WDPCP: variants seen among roughly 807,000 people sequenced by gnomAD.
WDPCP encodes the protein WD repeat containing planar cell polarity effector, also known as WD repeat-containing and planar cell polarity effector protein fritz homolog.
In WDPCP, 71 loss-of-function variants were observed where a neutral mutation model predicts 93.1. That is an observed-to-expected ratio of 0.76 (90% CI 0.63 to 0.93). WDPCP has a LOEUF of 0.93. WDPCP is among the 40% of genes least tolerant of loss of function. The pLI is 0.00. For missense variants in WDPCP, 844 were observed against 887.4 expected (o/e 0.95, Z 0.62); for synonymous variants, 315 against 315.0 (o/e 1.00, Z 0.00).
intron 13 of WDPCP, among the ~76,000 whole-genome samples, chr2:63,271,416 A>G (rs989393825): frequency 1.3e-5 from 2 of 152,152 alleles, no homozygotes; most frequent in African/African-American, 4.8e-5. Flanking sequence ...GTTGAGTGAA[A>G]CATTAAGGAG....
intron 2 of WDPCP, among the ~76,000 whole-genome samples, chr2:63,720,528 A>G (rs1669401340): frequency 6.6e-6 from 1 of 152,146 alleles, no homozygotes; most frequent in Non-Finnish European, 1.5e-5. Flanking sequence ...CATGATTAAG[A>G]GCTGCCATGG....
intron 12 of WDPCP, chr2:63,369,071 T>C (rs1478721340): frequency 5.7e-6 from 1 of 175,060 alleles, no homozygotes. Context: ...ACATACTATG[T>C]ATGCCCTTCA....
intron 3 of WDPCP, among the ~76,000 whole-genome samples, chr2:63,624,296 A>G (rs900720389): frequency 1.3e-5 from 2 of 152,200 alleles, no homozygotes; most frequent in African/African-American, 4.8e-5. Flanking sequence ...AGAGCAAACT[A>G]ACTCAAAAGC....
intron 2 of WDPCP, among the ~76,000 whole-genome samples, chr2:63,704,483 A>C (rs999783438): frequency 1.3e-5 from 2 of 152,130 alleles, no homozygotes; most frequent in African/African-American, 4.8e-5. Flanking sequence ...TCAATACCTA[A>C]TTTATTGAGT....
intron 17 of WDPCP, among the ~76,000 whole-genome samples, chr2:63,142,237 T>G (rs1279565361): frequency 6.6e-6 from 1 of 152,220 alleles, no homozygotes; most frequent in Non-Finnish European, 1.5e-5. Context: ...GAATGTGAGT[T>G]TGTGCCCTTT....
chr2:63,419,106 G>A (rs941105504), intron 9 of WDPCP, among the ~76,000 whole-genome samples: 54 of 152,134 alleles, frequency 3.5e-4, no homozygotes, highest in Non-Finnish European at 5.9e-5. Context: ...TTTCAAAGAT[G>A]AACAAGGTAG....
chr2:63,804,302 G>A (rs1170892763), intron 2 of WDPCP, among the ~76,000 whole-genome samples: 1 of 150,494 alleles, frequency 6.6e-6, no homozygotes, highest in African/African-American at 2.5e-5. Context: ...CCAGGCTGGA[G>A]TGCAGTGGCA....
chr2:63,604,797 G>A (rs1410052096), intron 3 of WDPCP: 3 of 1,614,172 alleles, frequency 1.9e-6, no homozygotes, highest in Non-Finnish European at 2.5e-6. Flanking sequence ...ATGCCAAGGT[G>A]AAATTGCAAG....
At chr2:63,840,723 C>A in the WDPCP span, among the ~76,000 whole-genome samples, 1 of 152,226 alleles carries the variant, frequency 6.6e-6, no homozygotes, top group Admixed American at 6.5e-5. Flanking sequence ...AATAACCAGT[C>A]GTGCTCAGGT....
chr2:63,605,871 T>C, intron 3 of WDPCP: 1 of 1,293,102 alleles, frequency 7.7e-7, no homozygotes, highest in South Asian at 1.2e-5. Flanking sequence ...CCTGGTTTAA[T>C]TTTATTAGTT....
intron 9 of WDPCP, among the ~76,000 whole-genome samples, chr2:63,420,683 C>G (rs1695793776): frequency 6.6e-6 from 1 of 152,170 alleles, no homozygotes; most frequent in African/African-American, 2.4e-5. Context: ...CAATCAAGAA[C>G]AATGTGTTAT....
At chr2:63,715,095 G>A (rs113156289) in intron 2 of WDPCP, among the ~76,000 whole-genome samples, 7 of 152,350 alleles carry the variant, frequency 4.6e-5, no homozygotes, top group African/African-American at 1.4e-4. Context: ...GAAATATCCC[G>A]AATAGGTAAA....
chr2:63,143,617 C>T (rs1671255872), intron 17 of WDPCP, among the ~76,000 whole-genome samples: 1 of 152,098 alleles, frequency 6.6e-6, no homozygotes. Context: ...TCTAGCAGTT[C>T]TTATAGTGGT....
chr2:63,697,570 T>C (rs1309755526), intron 2 of WDPCP, among the ~76,000 whole-genome samples: 2 of 152,336 alleles, frequency 1.3e-5, no homozygotes, highest in South Asian at 4.1e-4. Flanking sequence ...TAGTATTACC[T>C]CTGAGAAGTT....
intron 6 of WDPCP, among the ~76,000 whole-genome samples, chr2:63,474,848 G>A (rs1699882268): frequency 1.3e-5 from 2 of 152,222 alleles, no homozygotes; most frequent in Middle Eastern, 6.8e-3. Flanking sequence ...TATCAACTAT[G>A]TAATCTTTTA....
chr2:63,380,367 CTTTTTA>C (rs1477038843), intron 11 of WDPCP, among the ~76,000 whole-genome samples: 4 of 152,024 alleles, frequency 2.6e-5, no homozygotes, highest in African/African-American at 9.7e-5. Flanking sequence ...TTATACTCTT[CTTTTTA>C]TTTTTAACTA....
chr2:63,567,362 A>C (rs1445368504), intron 1 of WDPCP, among the ~76,000 whole-genome samples: 2 of 152,214 alleles, frequency 1.3e-5, no homozygotes, highest in Non-Finnish European at 2.9e-5. Flanking sequence ...TATCAACTGC[A>C]GAGATTGCAA....
chr2:63,433,617 T>C (rs1298772486), intron 9 of WDPCP, 128 bp downstream of exon 9: 5 of 1,023,596 alleles, frequency 4.9e-6, no homozygotes, highest in East Asian at 5.3e-5. Context: ...CTAGATATGA[T>C]ACTTTTTGAA....
chr2:63,215,808 TCATCTGACA>T (rs1315090247), intron 14 of WDPCP, among the ~76,000 whole-genome samples: 1 of 152,002 alleles, frequency 6.6e-6, no homozygotes, highest in African/African-American at 2.4e-5. Context: ...TGCAATCTAC[TCATCTGACA>T]AAGGGCTAAT....
Sources: gnomAD v4.1 joint callset for allele counts (sites outside exome capture counted in the v4.1 genomes callset) on GRCh38, gnomAD v4.1.1 for gene constraint, MANE v1.5 for transcripts, NCBI Gene and HGNC (gene_info 2026-07-23, HGNC 2026-07-21) for gene names.